The following PALLD variants were observed in gnomAD, a reference collection of about 807,000 sequenced individuals.
PALLD encodes palladin, cytoskeletal associated protein, also known as palladin.
Under a neutral mutation model 123.5 loss-of-function variants are expected in PALLD, and 61 were observed. The ratio of observed to expected loss-of-function variants is 0.49; its 90% CI spans 0.40 to 0.61. The LOEUF (loss-of-function observed/expected upper bound fraction) is 0.61. Ranked by LOEUF, PALLD falls within the 20% of genes least tolerant of loss-of-function variation. The probability of loss-of-function intolerance (pLI) is 0.00; values close to 1 mark genes in which losing one functional copy is unlikely to be tolerated. For synonymous variants in PALLD, 465 were observed against 496.4 expected (o/e 0.94, Z 0.84); for missense variants, 1,273 against 1,377.0 (o/e 0.92, Z 1.20).
At chr4:168,819,025 A>G (rs1170934038) in intron 10 of PALLD, among the ~76,000 whole-genome samples, 1 of 152,194 alleles carries the variant, frequency 6.6e-6, no homozygotes, top group Non-Finnish European at 1.5e-5. Flanking sequence ...TCAAAAAAAG[A>G]TGATGATGAA....
At chr4:168,766,600 G>T (rs775320570) in intron 10 of PALLD, among the ~76,000 whole-genome samples, 4 of 152,190 alleles carry the variant, frequency 2.6e-5, no homozygotes, top group Non-Finnish European at 5.9e-5. Context: ...AGCCATGATG[G>T]GCATCTGTAG....
intron 2 of PALLD, among the ~76,000 whole-genome samples, chr4:168,572,180 T>C (rs542725553): frequency 6.6e-5 from 10 of 152,228 alleles, no homozygotes; most frequent in South Asian, 2.1e-4. Flanking sequence ...GAAACCTCCC[T>C]CTGCACTTGT....
At chr4:168,649,188 G>A (rs1317365817) in intron 2 of PALLD, among the ~76,000 whole-genome samples, 1 of 152,238 alleles carries the variant, frequency 6.6e-6, no homozygotes, top group East Asian at 1.9e-4. Flanking sequence ...TTATAATACA[G>A]TGTGGTATTT....
At chr4:168,809,457 C>T (rs1010345812) in intron 10 of PALLD, among the ~76,000 whole-genome samples, 1 of 151,878 alleles carries the variant, frequency 6.6e-6, no homozygotes, top group Non-Finnish European at 1.5e-5. Flanking sequence ...TTTTAGTTAT[C>T]CACCTAGAGA....
chr4:168,915,176 G>A (rs760282001), intron 16 of PALLD, among the ~76,000 whole-genome samples: 22 of 152,064 alleles, frequency 1.4e-4, no homozygotes, highest in Non-Finnish European at 2.9e-4. Flanking sequence ...TCTTTCATTT[G>A]TTCCACTCTT....
At chr4:168,559,807 C>T (rs931613899) in intron 2 of PALLD, among the ~76,000 whole-genome samples, 1 of 151,700 alleles carries the variant, frequency 6.6e-6, no homozygotes, top group African/African-American at 2.4e-5. Flanking sequence ...TACCGGCTAC[C>T]CAGGGAAGTT....
chr4:168,668,353 G>A lies in PALLD; in HGVS notation c.1072G>A (p.Glu358Lys), dbSNP rs772051242. The A allele has an allele frequency of 1.2e-6, 2 of 1,607,334 alleles. No homozygotes were observed. The highest frequency in any genetic ancestry group is 2.2e-5 in the South Asian group (2 of 90,070). ...CAGCGGCTCAGACACAACATCTGCT[G>A]AGGTGTTCATTGAAGGTAAGGAGGG... The part of the protein sequence containing the change: ...NPSGSDTTSA[E>K]VFIEGASSTD... Residue 358 changes from glutamate to lysine, a missense_variant, in exon 3 of 22, where the codon GAG becomes AAG. Glu to Lys is a moderately conservative substitution (Grantham distance 56). Around this residue, in one of 2 missense-constraint regions of PALLD, gnomAD observed 944 missense variants for 954.5 expected, o/e 0.99. Coordinates refer to ENST00000505667, the MANE Select transcript of PALLD (RefSeq NM_001166108.2).
chr4:168,556,213 G>A (rs1018002901), intron 2 of PALLD, among the ~76,000 whole-genome samples: 18 of 151,716 alleles, frequency 1.2e-4, no homozygotes, highest in African/African-American at 2.4e-4. Flanking sequence ...CTCCTGCCTC[G>A]GCCTCCAGAG....
intron 2 of PALLD, among the ~76,000 whole-genome samples, chr4:168,547,564 TA>T (rs1306090652): frequency 4.7e-4 from 6 of 12,848 alleles, no homozygotes; most frequent in Non-Finnish European, 9.4e-4. Context: ...TCTAATAAAA[TA>T]CAAAAAAAAA....
intron 19 of PALLD, 136 bp from the exon 20 acceptor site, chr4:168,924,809 T>G: frequency 1.2e-6 from 1 of 834,654 alleles, no homozygotes. Context: ...GCTAGTAATC[T>G]CTACAGAATA....
At chr4:168,721,843 C>A (rs1056166880) in intron 10 of PALLD, among the ~76,000 whole-genome samples, 1 of 152,128 alleles carries the variant, frequency 6.6e-6, no homozygotes, top group African/African-American at 2.4e-5. Flanking sequence ...AAACCAATGA[C>A]CTTCAGGATT....
At chr4:168,641,488 A>T (rs1776943345) in intron 2 of PALLD, among the ~76,000 whole-genome samples, 1 of 152,126 alleles carries the variant, frequency 6.6e-6, no homozygotes, top group South Asian at 2.1e-4. Flanking sequence ...GGGCTCTCTG[A>T]TGACCCTAAG....
Position 168,682,989 on chromosome 4 carries a change from A to G in PALLD, c.1155-9A>G, listed in dbSNP as rs74768920. On this transcript the variant is annotated splice_polypyrimidine_tract_variant and intron_variant, in intron 4 of 21. Transcript: ENST00000505667. ...ATTCTGACTAAACACTCACCTTCCTATTTTCCAGAGCTCAAAAGAAAACAA... is the reference window on the plus strand; with the variant it reads ...ATTCTGACTAAACACTCACCTTCCTGTTTTCCAGAGCTCAAAAGAAAACAA... 1,498 of 1,562,932 alleles carry G rather than the reference A, an allele frequency of 9.6e-4. 9 individuals are homozygous for G. The African/African-American group carries it at 0.018, about 19-fold the overall frequency.
At chr4:168,794,516 A>G (rs893530826) in intron 10 of PALLD, among the ~76,000 whole-genome samples, 20 of 147,936 alleles carry the variant, frequency 1.4e-4, no homozygotes, top group South Asian at 4.2e-4. Context: ...GCACACACAC[A>G]CACACACACA....
At chr4:168,505,814 T>A (rs1327948379) in intron 1 of PALLD, among the ~76,000 whole-genome samples, 1 of 152,236 alleles carries the variant, frequency 6.6e-6, no homozygotes, top group Admixed American at 6.5e-5. Context: ...TGCCTTTATA[T>A]GTGTTATATG....
chr4:168,501,984 G>C (rs1761455098), intron 1 of PALLD, among the ~76,000 whole-genome samples: 1 of 152,048 alleles, frequency 6.6e-6, no homozygotes, highest in South Asian at 2.1e-4. Context: ...AGTATAAAAA[G>C]CTTTGAACTT....
In PALLD at chr4:168,693,881, C is replaced by CA. The variant is rs11335986; in HGVS notation, c.1501+2597dup. On this transcript the variant is annotated intron_variant, in intron 8 of 21. Transcript: ENST00000505667. Reference sequence around the variant, plus strand: ...AAAATCCATGATCATGTTTTTTAAACAAAAAAAACCCTTAAACACATGAAT... The same window carrying CA: ...AAAATCCATGATCATGTTTTTTAAACAAAAAAAAACCCTTAAACACATGAAT... 9.2e-5 allele frequency among the ~76,000 whole-genome samples: 14 copies of CA among 151,532 alleles called. No individual in the cohort carries two copies. The South Asian group carries it at 1.9e-3, about 20-fold the overall frequency.
intron 10 of PALLD, chr4:168,832,168 C>A: frequency 1.0e-6 from 1 of 985,486 alleles, no homozygotes; most frequent in Non-Finnish European, 1.2e-6. Context: ...CCCGGAGAGC[C>A]GAGGTAGGCG....
In PALLD at chr4:168,924,565, C is replaced by T. The variant is rs1762210546; in HGVS notation, c.3224+145C>T. ...GATGAAATCAATCAAAGACAAAAAC[C>T]ATGCGTTACCCAATGTAGGATTAAG... On this transcript the variant is annotated intron_variant, in intron 19 of 21. Transcript: ENST00000505667. The T allele has an allele frequency of 1.4e-5, 12 of 846,210 alleles. No homozygotes were observed. In the South Asian group the frequency reaches 1.6e-4, roughly 11 times the overall value. 52.4% of individuals were successfully genotyped at this position (846,210 alleles called of 1,614,324 possible).
Sources: gnomAD v4.1 joint callset for allele counts (sites outside exome capture counted in the v4.1 genomes callset) on GRCh38, gnomAD v4.1.1 for gene constraint, gnomAD v4.1.1 regional missense constraint, MANE v1.5 for transcripts, NCBI Gene and HGNC (gene_info 2026-07-23, HGNC 2026-07-21) for gene names.